PPP1R9A: variants seen among roughly 807,000 people sequenced by gnomAD.
PPP1R9A encodes the protein neurabin-1.
PPP1R9A carries 59 observed loss-of-function variants against 141.9 expected under a neutral mutation model. That is an observed-to-expected ratio of 0.42 (90% confidence interval 0.34 to 0.52). PPP1R9A has a LOEUF of 0.52. Ranked by LOEUF, PPP1R9A falls within the 20% of genes least tolerant of loss-of-function variation. The probability of loss-of-function intolerance (pLI) is 0.10; values close to 1 mark genes in which losing one functional copy is unlikely to be tolerated. For missense variants in PPP1R9A, 1,444 were observed against 1,611.9 expected (o/e 0.90, Z 1.78); for synonymous variants, 500 against 569.7 (o/e 0.88, Z 1.74).
At chr7:95,072,781 A>G (rs1434594597) in intron 2 of PPP1R9A, among the ~76,000 whole-genome samples, 1 of 103,862 alleles carries the variant, frequency 9.6e-6, no homozygotes, top group Non-Finnish European at 1.8e-5. Flanking sequence ...TTAAATATAT[A>G]TATTTATATA....
intron 4 of PPP1R9A, among the ~76,000 whole-genome samples, chr7:95,133,359 G>C (rs1825005176): frequency 6.6e-6 from 1 of 151,910 alleles, no homozygotes; most frequent in Non-Finnish European, 1.5e-5. Context: ...GAATTTGTCT[G>C]CCTCCTTATG....
At chr7:95,162,230 G>T (rs897510229) in intron 5 of PPP1R9A, among the ~76,000 whole-genome samples, 2 of 151,988 alleles carry the variant, frequency 1.3e-5, no homozygotes, top group Non-Finnish European at 2.9e-5. Flanking sequence ...ATGGTTTCCA[G>T]GAAGATATAA....
chr7:94,996,932 A>G (rs1802269320), intron 2 of PPP1R9A, among the ~76,000 whole-genome samples: 1 of 151,518 alleles, frequency 6.6e-6, no homozygotes, highest in South Asian at 2.1e-4. Context: ...CCGCCCAAGT[A>G]GCTGGGATTA....
At chr7:95,200,929 A>C (rs2152867292) in intron 6 of PPP1R9A, among the ~76,000 whole-genome samples, 1 of 152,302 alleles carries the variant, frequency 6.6e-6, no homozygotes, top group Middle Eastern at 3.4e-3. Context: ...ATTGGAATAA[A>C]GTCTTGCTGG....
chr7:95,236,331 G>A lies in PPP1R9A; in HGVS notation c.2112+10215G>A, dbSNP rs148874515. On this transcript the variant is annotated intron_variant, in intron 8 of 19. Coordinates refer to ENST00000433360, the MANE Select transcript of PPP1R9A (RefSeq NM_001166160.2). ...TTTAATTCAGCATATTAAAGGTAAT[G>A]ACAGAAACCACAATTACTTTTGCAC... is the stretch of plus-strand genomic sequence containing the variant. Among the ~76,000 whole-genome samples the A allele has an allele frequency of 7.0e-3, 1,067 of 152,138 alleles. 27 individuals carry two copies. Among genetic ancestry groups the A allele is most frequent in the Admixed American group, 0.039 (601 of 15,240 alleles).
intron 4 of PPP1R9A, among the ~76,000 whole-genome samples, chr7:95,160,367 G>A (rs1563333704): frequency 6.6e-6 from 1 of 152,008 alleles, no homozygotes; most frequent in East Asian, 1.9e-4. Flanking sequence ...TATGTTTTAT[G>A]TACAGTTATT....
intron 5 of PPP1R9A, among the ~76,000 whole-genome samples, chr7:95,172,043 A>G (rs1400687888): frequency 6.6e-6 from 1 of 151,646 alleles, no homozygotes; most frequent in African/African-American, 2.4e-5. Context: ...GTTCTTCTCA[A>G]TAGATGTAGA....
rs111871327 is a variant in PPP1R9A, at chr7:95,110,247, C to T, written c.1396-1012C>T. On this transcript the variant is annotated intron_variant, in intron 2 of 19. Transcript: ENST00000433360. ...GTAAAGTGTCCATAGAACAGCAGGGCCAGCTTTGTAGGAAATAGACATGAT... is the reference window on the plus strand; with the variant it reads ...GTAAAGTGTCCATAGAACAGCAGGGTCAGCTTTGTAGGAAATAGACATGAT... 6.5e-3 allele frequency among the ~76,000 whole-genome samples: 992 copies of T among 152,260 alleles called. 11 individuals are homozygous for T. Among genetic ancestry groups the T allele is most frequent in the African/African-American group, 0.023 (953 of 41,526 alleles).
At chr7:95,263,282 A>G (rs953665098) in intron 12 of PPP1R9A, among the ~76,000 whole-genome samples, 8 of 152,246 alleles carry the variant, frequency 5.3e-5, no homozygotes, top group Admixed American at 5.2e-4. Context: ...AAACAATTAC[A>G]TAATACAAAA....
intron 5 of PPP1R9A, among the ~76,000 whole-genome samples, chr7:95,169,822 A>C (rs1009540136): frequency 1.3e-5 from 2 of 152,052 alleles, no homozygotes; most frequent in Admixed American, 6.6e-5. Flanking sequence ...ATTGTATTAC[A>C]AAAAATATCT....
intron 7 of PPP1R9A, among the ~76,000 whole-genome samples, chr7:95,204,835 T>C (rs1790421479): frequency 1.0e-5 from 1 of 98,178 alleles, no homozygotes; most frequent in African/African-American, 4.1e-5. Context: ...ACACATACCC[T>C]CACAACCACA....
chr7:94,968,893 T>C (rs757685847), intron 2 of PPP1R9A, among the ~76,000 whole-genome samples: 13 of 151,984 alleles, frequency 8.6e-5, no homozygotes, highest in Non-Finnish European at 1.6e-4. Context: ...ATTAAGTTGA[T>C]CTTCAATCTT....
intron 2 of PPP1R9A, among the ~76,000 whole-genome samples, chr7:95,014,181 C>G (rs1804788187): frequency 6.6e-6 from 1 of 151,892 alleles, no homozygotes; most frequent in Non-Finnish European, 1.5e-5. Context: ...CAAATTAGAC[C>G]CGTTGGCCCA....
chr7:95,094,528 T>C (rs1817765900), intron 2 of PPP1R9A, among the ~76,000 whole-genome samples: 2 of 152,108 alleles, frequency 1.3e-5, no homozygotes, highest in South Asian at 4.2e-4. Context: ...GATAACTTAT[T>C]AGGAATCTTA....
chr7:94,922,963 T>C (rs910560252), intron 2 of PPP1R9A, among the ~76,000 whole-genome samples: 7 of 152,186 alleles, frequency 4.6e-5, no homozygotes, highest in African/African-American at 1.7e-4. Flanking sequence ...AATGTACTTT[T>C]ATTTGGAGGA....
At chr7:95,201,731 G>A (rs10263800) in intron 6 of PPP1R9A, among the ~76,000 whole-genome samples, 139,012 of 152,260 alleles carry the variant, frequency 0.91, 63,692 homozygotes, top group East Asian at 1. Context: ...TTATTGATTA[G>A]TATATCTTTG....
intron 2 of PPP1R9A, among the ~76,000 whole-genome samples, chr7:94,954,279 C>T (rs542011173): frequency 3.3e-5 from 5 of 151,748 alleles, no homozygotes; most frequent in African/African-American, 7.3e-5. Flanking sequence ...ATTGTTTACT[C>T]CTTTGGCCAT....
At chr7:94,992,734 C>A (rs1584161361) in intron 2 of PPP1R9A, among the ~76,000 whole-genome samples, 1 of 151,984 alleles carries the variant, frequency 6.6e-6, no homozygotes, top group African/African-American at 2.4e-5. Flanking sequence ...GATTTTGCAT[C>A]TTTTTATTGC....
At chr7:95,239,885 CTCTT>C (rs963885068) in intron 8 of PPP1R9A, among the ~76,000 whole-genome samples, 6 of 147,734 alleles carry the variant, frequency 4.1e-5, no homozygotes, top group African/African-American at 1.3e-4. Context: ...TTTTGATACA[CTCTT>C]GGGTTCTAAG....
Sources: allele counts gnomAD v4.1 joint callset (sites outside exome capture counted in the v4.1 genomes callset), GRCh38; gene constraint gnomAD v4.1.1; transcripts MANE v1.5; gene names NCBI Gene and HGNC (gene_info 2026-07-23, HGNC 2026-07-21).